ALK: variants seen among roughly 807,000 people sequenced by gnomAD.
The protein encoded by ALK is ALK tyrosine kinase receptor.
ALK carries 74 observed loss-of-function variants against 163.1 expected under a neutral mutation model. The observed-to-expected ratio is 0.45, with a 90% CI of 0.38 to 0.55. The LOEUF is 0.55. ALK is among the 20% of genes least tolerant of loss of function. The pLI is 0.00. For missense variants in ALK, 2,063 were observed against 2,105.3 expected (o/e 0.98, Z 0.39); for synonymous variants, 960 against 843.2 (o/e 1.14, Z -2.40).
At chr2:29,342,543 C>T (rs1239200639) in intron 5 of ALK, among the ~76,000 whole-genome samples, 3 of 152,170 alleles carry the variant, frequency 2.0e-5, no homozygotes, top group Non-Finnish European at 4.4e-5. Flanking sequence ...TATACTTAAA[C>T]ATTACTGAAC....
At chr2:29,468,853 CAAAAAAAAAAAAAA>C (rs70958265) in intron 4 of ALK, among the ~76,000 whole-genome samples, 1 of 30,920 alleles carries the variant, frequency 3.2e-5, no homozygotes. Flanking sequence ...GACCCTGCCT[CAAAAAAAAAAAAAA>C]AAAAAAAAAA....
chr2:29,221,058 G>A (rs1223579832), intron 22 of ALK: 13 of 664,356 alleles, frequency 2.0e-5, no homozygotes, highest in Non-Finnish European at 2.8e-5. Flanking sequence ...TCCATTTGCA[G>A]GAGAGTGGCT....
chr2:29,309,634 C>G (rs141425088), intron 8 of ALK, among the ~76,000 whole-genome samples: 2 of 146,790 alleles, frequency 1.4e-5, no homozygotes, highest in African/African-American at 5.0e-5. Flanking sequence ...GACTTTGGCT[C>G]AGAAAGCTCA....
chr2:29,349,019 C>T (rs535217305), intron 5 of ALK, among the ~76,000 whole-genome samples: 1 of 151,842 alleles, frequency 6.6e-6, no homozygotes, highest in East Asian at 2.0e-4. Flanking sequence ...AATAAGAGTA[C>T]CTTCTTCATG....
At chr2:29,372,399 C>T (rs952736716) in intron 5 of ALK, among the ~76,000 whole-genome samples, 2 of 152,074 alleles carry the variant, frequency 1.3e-5, no homozygotes, top group African/African-American at 4.8e-5. Flanking sequence ...ACTGTTGGTC[C>T]AGTTTTTCTT....
chr2:29,764,904 G>A (rs149717858), intron 1 of ALK, among the ~76,000 whole-genome samples: 9 of 152,260 alleles, frequency 5.9e-5, no homozygotes, highest in African/African-American at 1.7e-4. Context: ...CCTAGTTGGA[G>A]GTGATTGGAT....
intron 2 of ALK, among the ~76,000 whole-genome samples, chr2:29,698,404 T>C (rs1412815028): frequency 2.6e-5 from 4 of 152,186 alleles, no homozygotes; most frequent in South Asian, 2.1e-4. Flanking sequence ...TCCACATTGG[T>C]GGATGTTCAT....
rs563705553 is a variant in ALK, at chr2:29,690,314, TGA to T, written c.952+4534_952+4535del. ...AGCACAACAAAACAAAGCAAAAACC[TGA>T]GAGTCAGAGGACGGGGAGAGAGTTG... On this transcript the variant is annotated intron_variant, in intron 3 of 28. Coordinates refer to ENST00000389048, the MANE Select transcript of ALK (RefSeq NM_004304.5). Among the ~76,000 whole-genome samples the T allele has an allele frequency of 1.8e-4, 28 of 152,188 alleles. No individual in the cohort carries two copies. The East Asian group carries it at 5.0e-3, about 27-fold the overall frequency.
chr2:29,269,584 C>T (rs1404664138), intron 11 of ALK, among the ~76,000 whole-genome samples: 1 of 152,124 alleles, frequency 6.6e-6, no homozygotes, highest in Non-Finnish European at 1.5e-5. Flanking sequence ...TGACTGGGGT[C>T]CCAAGAGCCT....
chr2:29,507,381 A>T (rs765459769), intron 4 of ALK, among the ~76,000 whole-genome samples: 1 of 152,124 alleles, frequency 6.6e-6, no homozygotes, highest in African/African-American at 2.4e-5. Flanking sequence ...GGTAGGGGGA[A>T]GTGGGGAACT....
chr2:29,482,439 A>G (rs1337289807), intron 4 of ALK, among the ~76,000 whole-genome samples: 1 of 152,184 alleles, frequency 6.6e-6, no homozygotes, highest in Non-Finnish European at 1.5e-5. Context: ...GCCTATGCCT[A>G]CATCTGAGGG....
chr2:29,521,792 A>G (rs1273630023), intron 4 of ALK, among the ~76,000 whole-genome samples: 1 of 152,108 alleles, frequency 6.6e-6, no homozygotes, highest in Non-Finnish European at 1.5e-5. Context: ...CAATTCCATC[A>G]CCCGATTCCA....
At chr2:29,687,042 G>A (rs1573555894) in intron 3 of ALK, among the ~76,000 whole-genome samples, 1 of 151,952 alleles carries the variant, frequency 6.6e-6, no homozygotes, top group African/African-American at 2.4e-5. Flanking sequence ...TCCAAAAGAC[G>A]GGCAGAGATA....
intron 5 of ALK, among the ~76,000 whole-genome samples, chr2:29,369,454 A>T (rs1397098401): frequency 6.6e-6 from 1 of 152,146 alleles, no homozygotes; most frequent in Non-Finnish European, 1.5e-5. Context: ...AAAAGAGAAG[A>T]ATATTCCATC....
chr2:29,805,861 T>C (rs1367474641), intron 1 of ALK, among the ~76,000 whole-genome samples: 1 of 152,186 alleles, frequency 6.6e-6, no homozygotes, highest in African/African-American at 2.4e-5. Context: ...CATCCCTGAC[T>C]CTTCATCTCT....
intron 5 of ALK, among the ~76,000 whole-genome samples, chr2:29,353,503 G>A (rs1223296768): frequency 2.0e-5 from 3 of 152,164 alleles, no homozygotes; most frequent in Non-Finnish European, 2.9e-5. Flanking sequence ...TTGCTTTGCC[G>A]AGTCTGGGTC....
At chr2:29,770,546 C>T in intron 1 of ALK, among the ~76,000 whole-genome samples, 1 of 151,992 alleles carries the variant, frequency 6.6e-6, no homozygotes, top group East Asian at 1.9e-4. Context: ...ATAAAAGCAA[C>T]CAAATAAGAA....
At chr2:29,508,812 A>C (rs1053604247) in intron 4 of ALK, among the ~76,000 whole-genome samples, 1 of 149,640 alleles carries the variant, frequency 6.7e-6, no homozygotes, top group African/African-American at 2.5e-5. Flanking sequence ...CATGCATTTT[A>C]CTAGATCCCC....
At chr2:29,253,768 A>G (rs902405184) in intron 11 of ALK, among the ~76,000 whole-genome samples, 3 of 152,152 alleles carry the variant, frequency 2.0e-5, no homozygotes, top group Non-Finnish European at 2.9e-5. Flanking sequence ...GGGTGGCCTT[A>G]TCAATCACAG....
Sources: gnomAD v4.1 joint callset for allele counts (sites outside exome capture counted in the v4.1 genomes callset) on GRCh38, gnomAD v4.1.1 for gene constraint, MANE v1.5 for transcripts, NCBI Gene and HGNC (gene_info 2026-07-23, HGNC 2026-07-21) for gene names.